NLRP14: variants seen among roughly 807,000 people sequenced by gnomAD.
The protein encoded by NLRP14 is NACHT, LRR and PYD domains-containing protein 14.
Under a neutral mutation model 94.7 loss-of-function variants are expected in NLRP14, and 105 were observed. The ratio of observed to expected loss-of-function variants is 1.11; its 90% CI spans 0.95 to 1.30. NLRP14 has a LOEUF of 1.30. Ranked by LOEUF, NLRP14 falls within the 50% of genes most tolerant of loss-of-function variation. The pLI, the probability that NLRP14 is intolerant of heterozygous loss-of-function variation, is 0.00. For missense variants in NLRP14, 1,362 were observed against 1,254.1 expected (o/e 1.09, Z -1.30); for synonymous variants, 508 against 459.9 (o/e 1.10, Z -1.34).
chr11:7,038,323 G>A (rs1195317299), intron 1 of NLRP14, among the ~76,000 whole-genome samples: 1 of 152,166 alleles, frequency 6.6e-6, no homozygotes, highest in Non-Finnish European at 1.5e-5. Context: ...CTCATAAGTG[G>A]TAGGACTGGG....
At chr11:7,076,786 G>A in the NLRP14 span, among the ~76,000 whole-genome samples, 58 of 152,134 alleles carry the variant, frequency 3.8e-4, 1 homozygote, top group Admixed American at 2.9e-3. Flanking sequence ...GAAACCATGA[G>A]CCTTTTCTTC....
intron 1 of NLRP14, among the ~76,000 whole-genome samples, chr11:7,025,294 G>C (rs1851999174): frequency 6.6e-6 from 1 of 152,060 alleles, no homozygotes; most frequent in African/African-American, 2.4e-5. Context: ...GTAGGATAAA[G>C]GGGCTTCAAT....
At position 7,043,607 on chromosome 11, in the gene NLRP14, G is replaced by C; in HGVS notation, c.1581G>C (p.Gln527His). 1 of 1,614,184 alleles carries C rather than the reference G, an allele frequency of 6.2e-7. No individual in the cohort carries two copies. The highest frequency in any genetic ancestry group is 8.5e-7 in the Non-Finnish European group (1 of 1,180,036). The change falls in exon 4 of 12, where the codon CAG becomes CAC. Residue 527 changes from glutamine to histidine, a missense_variant. Gln to His is a conservative substitution (Grantham distance 24, BLOSUM62 0). Transcript: ENST00000299481. ...GTTATAAAGACCCCCATTTGACACA[G>C]ATGAAGTGCTTTTTGTTTGGCCTTT... ...STSYKDPHLT[Q>H]MKCFLFGLLN...
chr11:7,058,173 A>G (rs921796100), intron 7 of NLRP14, 107 bp from the exon 8 acceptor site: 7 of 896,474 alleles, frequency 7.8e-6, no homozygotes, highest in Non-Finnish European at 1.3e-5. Flanking sequence ...GGTTAATTTT[A>G]TAGTTGAGGT....
chr11:7,056,509 C>G (rs1589868424), intron 6 of NLRP14, among the ~76,000 whole-genome samples: 1 of 40,610 alleles, frequency 2.5e-5, no homozygotes, highest in Non-Finnish European at 5.3e-5. Context: ...TCTATTAGCA[C>G]TAATACAAAA....
In NLRP14 at chr11:7,042,712, T is replaced by C. The variant is rs1168245911; in HGVS notation, c.686T>C (p.Phe229Ser). ...REINQLKERS[F>S]AQLISKDWPS... ...ATTAACCAGCTGAAAGAGAGAAGCT[T>C]TGCTCAATTGATATCAAAGGACTGG... Residue 229 changes from phenylalanine (F) to serine (S), a missense_variant, in exon 4 of 12, where the codon TTT (phenylalanine) becomes TCT (serine). Transcript: ENST00000299481. 2.9e-5 allele frequency: 47 copies of C among 1,614,084 alleles called. No homozygotes were observed. The highest frequency in any genetic ancestry group is 3.9e-5 in the Non-Finnish European group (46 of 1,180,022).
intron 10 of NLRP14, among the ~76,000 whole-genome samples, chr11:7,069,861 A>T (rs761820599): frequency 3.9e-5 from 6 of 152,198 alleles, no homozygotes; most frequent in Admixed American, 3.9e-4. Context: ...TCCTAACCTC[A>T]GATGATCTGC....
chr11:7,055,937 C>T (rs1852509535), intron 6 of NLRP14, among the ~76,000 whole-genome samples: 1 of 152,006 alleles, frequency 6.6e-6, no homozygotes, highest in African/African-American at 2.4e-5. Flanking sequence ...TAAGAAGGAA[C>T]TAAATATAAG....
chr11:7,024,850 T>C (rs957712027), intron 1 of NLRP14, among the ~76,000 whole-genome samples: 1 of 152,008 alleles, frequency 6.6e-6, no homozygotes, highest in African/African-American at 2.4e-5. Flanking sequence ...TCAAAAGGTA[T>C]CCTATATGAT....
chr11:7,040,676 C>T (rs1194597121), intron 3 of NLRP14, among the ~76,000 whole-genome samples: 1 of 152,096 alleles, frequency 6.6e-6, no homozygotes, highest in Non-Finnish European at 1.5e-5. Flanking sequence ...AAGTGAGAAA[C>T]CTTTATTCTT....
At chr11:7,050,071 C>T (rs775604333) in intron 6 of NLRP14, among the ~76,000 whole-genome samples, 1 of 151,686 alleles carries the variant, frequency 6.6e-6, no homozygotes, top group Non-Finnish European at 1.5e-5. Context: ...GTCTCCATCT[C>T]CTAAATCTGC....
the NLRP14 span, among the ~76,000 whole-genome samples, chr11:7,078,635 C>G: frequency 6.6e-6 from 1 of 151,076 alleles, no homozygotes; most frequent in African/African-American, 2.4e-5. Flanking sequence ...ACTAAAAATA[C>G]AAAAGAGCCG....
rs1296490077 is a variant in NLRP14, at chr11:7,043,682, G to A, written c.1656G>A (p.Met552Ile). The A allele has an allele frequency of 1.2e-6, 2 of 1,613,780 alleles. No homozygotes were observed. The highest frequency in any genetic ancestry group is 1.3e-5 in the African/African-American group (1 of 74,892). The stretch of plus-strand genomic sequence containing the variant: ...TGGAGAGGACTTTTAACTGTAAAAT[G>A]TCACTGAAGATAAAATCAAAGTTAC... ...KQLERTFNCK[M>I]SLKIKSKLLQ... Residue 552 changes from methionine (M) to isoleucine (I), a missense_variant, in exon 4 of 12, where the codon ATG (methionine) becomes ATA (isoleucine). By Grantham distance (10) the Met-to-Ile change is conservative. Coordinates refer to ENST00000299481, the MANE Select transcript of NLRP14 (RefSeq NM_176822.4).
intron 4 of NLRP14, among the ~76,000 whole-genome samples, chr11:7,045,179 G>C (rs2119629439): frequency 6.6e-6 from 1 of 152,228 alleles, no homozygotes; most frequent in East Asian, 1.9e-4. Context: ...AGAAATTGTG[G>C]GCCCTGATGC....
intron 1 of NLRP14, among the ~76,000 whole-genome samples, chr11:7,026,109 T>C (rs1353953079): frequency 6.6e-6 from 1 of 152,168 alleles, no homozygotes; most frequent in Non-Finnish European, 1.5e-5. Flanking sequence ...GGACTTCATG[T>C]CTAAAACACC....
intron 3 of NLRP14, among the ~76,000 whole-genome samples, chr11:7,041,335 C>T (rs1231199336): frequency 1.3e-5 from 2 of 152,144 alleles, no homozygotes; most frequent in Non-Finnish European, 2.9e-5. Flanking sequence ...ACTCTTCCCA[C>T]TCCCCATCCC....
intron 11 of NLRP14, among the ~76,000 whole-genome samples, chr11:7,070,661 C>G (rs369353484): frequency 2.8e-4 from 43 of 152,180 alleles, no homozygotes; most frequent in African/African-American, 1.0e-3. Context: ...CTGGAACCAG[C>G]CTAGATGAGC....
At chr11:7,039,274 T>C (rs1352057830) in intron 2 of NLRP14, among the ~76,000 whole-genome samples, 6 of 152,130 alleles carry the variant, frequency 3.9e-5, no homozygotes, top group African/African-American at 1.2e-4. Flanking sequence ...TTGGACGTAA[T>C]CCAAGGCAGT....
chr11:7,039,842 C>T lies in NLRP14; in HGVS notation c.361+57C>T, dbSNP rs141712941. ...AGGCATTCAAAGTTTTGATACAGGA[C>T]GGTGATTTATCTCCCGAGGACTTTT... On this transcript the variant is annotated intron_variant, in intron 3 of 11. Coordinates refer to ENST00000299481, the MANE Select transcript of NLRP14 (RefSeq NM_176822.4). 1.6e-4 allele frequency: 212 copies of T among 1,290,906 alleles called. No homozygotes were observed. In the East Asian group the frequency reaches 1.9e-3, roughly 12 times the overall value. The allele number at this position is 1,290,906 out of a possible 1,614,324, so 80.0% of individuals were successfully genotyped here. A position where few individuals can be genotyped will look rare whatever the true frequency, so the allele number is the denominator to read the frequency against.
Sources: gnomAD v4.1 joint callset for allele counts (sites outside exome capture counted in the v4.1 genomes callset) on GRCh38, gnomAD v4.1.1 for gene constraint, MANE v1.5 for transcripts, NCBI Gene and HGNC (gene_info 2026-07-23, HGNC 2026-07-21) for gene names.